The following NXN variants were observed in gnomAD, a reference collection of about 807,000 sequenced individuals.
NXN encodes nucleoredoxin, also known as nucleoredoxin 1.
NXN carries 16 observed loss-of-function variants against 48.6 expected under a neutral mutation model. That is an observed-to-expected ratio of 0.33 (90% CI 0.22 to 0.50). The LOEUF (loss-of-function observed/expected upper bound fraction) is 0.50. Ranked by LOEUF, NXN falls within the 20% of genes least tolerant of loss-of-function variation. NXN has a pLI of 0.98. For synonymous variants in NXN, 281 were observed against 269.6 expected, an observed-to-expected ratio of 1.04 and a Z score of -0.41; for missense variants, 492 against 605.5, an observed-to-expected ratio of 0.81 and a Z score of 1.97.
chr17:905,968 C>A (rs1448081253), intron 1 of NXN, among the ~76,000 whole-genome samples: 3 of 144,428 alleles, frequency 2.1e-5, no homozygotes, highest in Non-Finnish European at 4.6e-5. Context: ...CAGAGTGAGA[C>A]CTTGTCTCAA....
chr17:817,633 C>G lies in NXN; in HGVS notation c.820+1806G>C, dbSNP rs1376848917. On this transcript the variant is annotated intron_variant, in intron 5 of 7. Transcript: ENST00000336868. ...GCAGTGAACCAAGATTGCGCCACTG[C>G]ACTCCAGCCAGGGCGACAGAGCAAG... Among the ~76,000 whole-genome samples the G allele has an allele frequency of 5.4e-5, 8 of 149,232 alleles. No individual in the cohort carries two copies. In the East Asian group the frequency reaches 1.6e-3, roughly 29 times the overall value.
chr17:820,414 G>A (rs622522), intron 4 of NXN, among the ~76,000 whole-genome samples: 102,000 of 151,342 alleles, frequency 0.67, 35,079 homozygotes, highest in African/African-American at 0.81. Context: ...GATCGAGACC[G>A]TCCTGGCTAA....
At chr17:953,631 T>C (rs1253224329) in intron 1 of NXN, among the ~76,000 whole-genome samples, 1 of 152,212 alleles carries the variant, frequency 6.6e-6, no homozygotes, top group African/African-American at 2.4e-5. Flanking sequence ...GTTGTACTTA[T>C]CACTCCACAG....
intron 5 of NXN, among the ~76,000 whole-genome samples, chr17:806,873 G>A (rs1209512703): frequency 6.6e-6 from 1 of 152,134 alleles, no homozygotes; most frequent in Non-Finnish European, 1.5e-5. Context: ...TGGGTCCAGA[G>A]AGAACAGGCT....
At chr17:959,481 C>A in intron 1 of NXN, 1 of 139,662 alleles carries the variant, frequency 7.2e-6, no homozygotes. Context: ...CAATAAAGGA[C>A]TTCAGAAGTG....
chr17:944,712 A>G lies in NXN; in HGVS notation c.360+34607T>C, dbSNP rs1230997912. On this transcript the variant is annotated intron_variant, in intron 1 of 7. Coordinates refer to ENST00000336868, the MANE Select transcript of NXN (RefSeq NM_022463.5). Reference sequence around the variant, plus strand: ...AAACTCCTTCCTCATCTCCACCTCAAAAACACCAAGCTTTGTTTTGGGATT... The same window carrying G: ...AAACTCCTTCCTCATCTCCACCTCAGAAACACCAAGCTTTGTTTTGGGATT... Among the ~76,000 whole-genome samples, 6 of 152,308 alleles carry G rather than the reference A, an allele frequency of 3.9e-5. No individual in the cohort carries two copies. The South Asian group carries it at 1.2e-3, about 32-fold the overall frequency.
chr17:947,115 A>G (rs1466084481), intron 1 of NXN, among the ~76,000 whole-genome samples: 1 of 152,166 alleles, frequency 6.6e-6, no homozygotes, highest in East Asian at 1.9e-4. Flanking sequence ...TAGGCTTGTC[A>G]TGATCATGCA....
intron 1 of NXN, among the ~76,000 whole-genome samples, chr17:961,231 T>C (rs2069233173): frequency 6.6e-6 from 1 of 151,830 alleles, no homozygotes; most frequent in Non-Finnish European, 1.5e-5. Context: ...CCTTCTCTGC[T>C]AAAAATACAA....
intron 1 of NXN, among the ~76,000 whole-genome samples, chr17:841,864 C>T (rs1217753165): frequency 3.9e-5 from 6 of 152,210 alleles, no homozygotes; most frequent in African/African-American, 4.8e-5. Context: ...AGGTGGCGCA[C>T]GGCGGCTCAC....
Position 979,712 on chromosome 17 carries a change from AC to A in NXN, c.-35del, listed in dbSNP as rs1177316567. The stretch of plus-strand genomic sequence containing the variant: ...ACCGCAGGGCGGGCAGGCGGCTGCG[AC>A]CCCGCTCCACGGTCCGCGCGGCGGG... On this transcript the variant is annotated 5_prime_UTR_variant, in exon 1 of 8. Transcript: ENST00000336868. 7 of 1,324,610 alleles carry A rather than the reference AC, an allele frequency of 5.3e-6. No homozygotes were observed. Among genetic ancestry groups the A allele is most frequent in the Non-Finnish European group, 5.8e-6 (6 of 1,037,938 alleles). 82.1% of individuals were successfully genotyped at this position (1,324,610 alleles called of 1,614,324 possible).
chr17:805,261 G>T lies in NXN; in HGVS notation c.821-14C>A. The T allele has an allele frequency of 6.3e-7, 1 of 1,599,964 alleles. No individual in the cohort carries two copies. The highest frequency in any genetic ancestry group is 8.5e-7 in the Non-Finnish European group (1 of 1,172,032). On this transcript the variant is annotated splice_polypyrimidine_tract_variant and intron_variant, in intron 5 of 7. Transcript: ENST00000336868. ...GCGTGGGGATGCCTGCAGGGAAGAG[G>T]GGGTGCTTGGCCGCTGGCCCGGGAG... is the stretch of plus-strand genomic sequence containing the variant.
At chr17:817,000 C>T (rs368385860) in intron 5 of NXN, among the ~76,000 whole-genome samples, 7 of 152,286 alleles carry the variant, frequency 4.6e-5, no homozygotes, top group East Asian at 1.9e-4. Flanking sequence ...TTCTTCTGGT[C>T]CACTAGGCAA....
chr17:900,494 C>G (rs555274316), intron 1 of NXN, among the ~76,000 whole-genome samples: 1 of 152,122 alleles, frequency 6.6e-6, no homozygotes, highest in Non-Finnish European at 1.5e-5. Flanking sequence ...AAGGTACAAA[C>G]ATCAGGAGGA....
At chr17:891,099 C>A (rs1461943544) in intron 1 of NXN, among the ~76,000 whole-genome samples, 1 of 152,084 alleles carries the variant, frequency 6.6e-6, no homozygotes, top group Non-Finnish European at 1.5e-5. Flanking sequence ...GTCCGTCCAT[C>A]CGTCCATCTC....
chr17:940,465 G>C (rs947220599), intron 1 of NXN, among the ~76,000 whole-genome samples: 1 of 152,198 alleles, frequency 6.6e-6, no homozygotes, highest in African/African-American at 2.4e-5. Flanking sequence ...AGGGCCGTGG[G>C]CAACTTCCAA....
chr17:880,781 C>T (rs981664033), intron 1 of NXN, among the ~76,000 whole-genome samples: 7 of 152,122 alleles, frequency 4.6e-5, no homozygotes, highest in Non-Finnish European at 8.8e-5. Flanking sequence ...TATCTAGGAG[C>T]AGAGCTTCCT....
chr17:862,619 G>A (rs757361761), intron 1 of NXN, among the ~76,000 whole-genome samples: 9 of 152,292 alleles, frequency 5.9e-5, no homozygotes, highest in East Asian at 1.9e-4. Flanking sequence ...ACATTCCTAC[G>A]GTCCTAAAGT....
In NXN at chr17:966,221, G is replaced by A. The variant is rs548340121; in HGVS notation, c.360+13098C>T. 1.8e-4 allele frequency among the ~76,000 whole-genome samples: 28 copies of A among 152,080 alleles called. No homozygotes were observed. The South Asian group carries it at 4.1e-3, about 23-fold the overall frequency. ...CAAGCTTGTCCAACCCACAGCACGC[G>A]GACACATGTGGCCCAGGACAGCTTT... On this transcript the variant is annotated intron_variant, in intron 1 of 7. Coordinates refer to ENST00000336868, the MANE Select transcript of NXN (RefSeq NM_022463.5).
intron 1 of NXN, among the ~76,000 whole-genome samples, chr17:977,125 A>AG (rs1567529864): frequency 6.6e-6 from 1 of 152,176 alleles, no homozygotes; most frequent in Non-Finnish European, 1.5e-5. Flanking sequence ...GTGTTCCATA[A>AG]GAAGGACAGC....
Sources: gnomAD v4.1 joint callset for allele counts (sites outside exome capture counted in the v4.1 genomes callset) on GRCh38, gnomAD v4.1.1 for gene constraint, MANE v1.5 for transcripts, NCBI Gene and HGNC (gene_info 2026-07-23, HGNC 2026-07-21) for gene names.